The following RAPGEF5 variants were observed in gnomAD, a reference collection of about 807,000 sequenced individuals.
The protein encoded by RAPGEF5 is M-Ras-regulated GEF.
In RAPGEF5, 65 loss-of-function variants were observed where a neutral mutation model predicts 125.2. The observed-to-expected ratio is 0.52, with a 90% confidence interval of 0.43 to 0.64. RAPGEF5 has a LOEUF of 0.64. Among genes scored for constraint, RAPGEF5 ranks in the 30% least tolerant of loss-of-function variants. The pLI, the probability that RAPGEF5 is intolerant of heterozygous loss-of-function variation, is 0.00. For missense variants in RAPGEF5, 958 were observed against 1,048.1 expected (o/e 0.91, Z 1.19); for synonymous variants, 391 against 385.9 (o/e 1.01, Z -0.16).
At chr7:22,166,591 G>A (rs538954152) in intron 12 of RAPGEF5, among the ~76,000 whole-genome samples, 1 of 152,214 alleles carries the variant, frequency 6.6e-6, no homozygotes, top group South Asian at 2.1e-4. Context: ...TTGATTCCAG[G>A]GGTTAGGTTC....
chr7:22,242,943 G>A (rs1490796759), intron 7 of RAPGEF5, among the ~76,000 whole-genome samples: 8 of 116,774 alleles, frequency 6.9e-5, no homozygotes, highest in Admixed American at 5.6e-4. Context: ...GTGAAACTCC[G>A]TCTCAAAAAA....
chr7:22,155,909 A>C (rs1309173708), intron 16 of RAPGEF5, among the ~76,000 whole-genome samples: 1 of 152,212 alleles, frequency 6.6e-6, no homozygotes, highest in Non-Finnish European at 1.5e-5. Context: ...GGAAAACTAC[A>C]CGATGAAACT....
chr7:22,122,453 G>T lies in RAPGEF5; in HGVS notation c.2605C>A (p.Gln869Lys). 1.2e-6 allele frequency: 2 copies of T among 1,613,894 alleles called. No homozygotes were observed. Among genetic ancestry groups the T allele is most frequent in the Non-Finnish European group, 1.7e-6 (2 of 1,179,844 alleles). Reference sequence around the variant, plus strand: ...TGTGAGAGCTCAAACAGAGCCTGCTGGCTGTCAATGACATACAGGTGATTA... The same window carrying T: ...TGTGAGAGCTCAAACAGAGCCTGCTTGCTGTCAATGACATACAGGTGATTA... ...YVNHLYVIDS[Q>K]QALFELSHRI... Residue 869 changes from glutamine (Q) to lysine (K), a missense_variant, in exon 26 of 26, where the codon CAG (glutamine) becomes AAG (lysine). By Grantham distance (53) the Gln-to-Lys change is moderately conservative (BLOSUM62 1). Transcript: ENST00000665637.
intron 24 of RAPGEF5, 161 bp downstream of exon 24, chr7:22,130,876 A>C: frequency 1.0e-6 from 1 of 982,224 alleles, no homozygotes; most frequent in Non-Finnish European, 1.5e-6. Context: ...GCAGCGTACA[A>C]CATGCAGCAA....
intron 7 of RAPGEF5, among the ~76,000 whole-genome samples, chr7:22,236,839 C>G (rs1298591652): frequency 2.0e-5 from 3 of 152,174 alleles, no homozygotes; most frequent in African/African-American, 7.2e-5. Context: ...TAGCCCCATC[C>G]CCAGTGTCTC....
At chr7:22,340,969 C>G (rs139448388) in intron 1 of RAPGEF5, among the ~76,000 whole-genome samples, 24 of 152,326 alleles carry the variant, frequency 1.6e-4, no homozygotes, top group Middle Eastern at 6.8e-3. Flanking sequence ...CTGAGTAACA[C>G]GAGGTGACTT....
At chr7:22,200,766 C>G (rs1785258590) in intron 9 of RAPGEF5, among the ~76,000 whole-genome samples, 1 of 152,154 alleles carries the variant, frequency 6.6e-6, no homozygotes, top group Non-Finnish European at 1.5e-5. Context: ...TCATACAAAA[C>G]AACTTGTCTA....
intron 1 of RAPGEF5, among the ~76,000 whole-genome samples, chr7:22,333,853 C>G (rs1461404139): frequency 6.8e-6 from 1 of 147,354 alleles, no homozygotes; most frequent in Non-Finnish European, 1.5e-5. Flanking sequence ...AGAGAGAGAA[C>G]CAGAGCTGTC....
chr7:22,261,326 TG>T (rs2128140480), intron 7 of RAPGEF5, among the ~76,000 whole-genome samples: 1 of 152,196 alleles, frequency 6.6e-6, no homozygotes, highest in South Asian at 2.1e-4. Flanking sequence ...ACTATATTAC[TG>T]ATATAAAATT....
chr7:22,285,522 GAAC>G (rs1253329077), intron 6 of RAPGEF5, among the ~76,000 whole-genome samples: 1 of 152,160 alleles, frequency 6.6e-6, no homozygotes, highest in Non-Finnish European at 1.5e-5. Context: ...TTCAGCTACT[GAAC>G]AACAAATTCC....
Position 22,316,489 on chromosome 7 carries a change from A to ATTTT in RAPGEF5, c.283-1017_283-1014dup, listed in dbSNP as rs1174593478. The stretch of plus-strand genomic sequence containing the variant: ...TATATATATATATATATATATATAT[A>ATTTT]TTTTTTTTTTTTTTTTTTTGAGGCA... On this transcript the variant is annotated intron_variant, in intron 2 of 25. Transcript: ENST00000665637. 3.2e-3 allele frequency among the ~76,000 whole-genome samples: 164 copies of ATTTT among 50,590 alleles called. 2 individuals are homozygous for ATTTT. Among genetic ancestry groups the ATTTT allele is most frequent in the Non-Finnish European group, 3.4e-3 (99 of 28,892 alleles). The allele number at this position is 50,590 out of a possible 152,430, so 33.2% of individuals were successfully genotyped here.
intron 1 of RAPGEF5, among the ~76,000 whole-genome samples, chr7:22,344,988 A>C (rs1784195760): frequency 6.6e-6 from 1 of 152,222 alleles, no homozygotes; most frequent in Non-Finnish European, 1.5e-5. Context: ...TGGTCTGTGG[A>C]TGCAGCAACA....
chr7:22,301,262 T>A (rs1583561524), intron 5 of RAPGEF5, among the ~76,000 whole-genome samples: 3 of 152,302 alleles, frequency 2.0e-5, no homozygotes, highest in African/African-American at 7.2e-5. Flanking sequence ...TTCGTTATTA[T>A]CTTGCCATAG....
In RAPGEF5 at chr7:22,236,298, C is replaced by T. The variant is rs1258568694; in HGVS notation, c.797-5379G>A. 2.6e-5 allele frequency among the ~76,000 whole-genome samples: 4 copies of T among 152,104 alleles called. No homozygotes were observed. The East Asian group carries it at 7.7e-4, about 29-fold the overall frequency. On this transcript the variant is annotated intron_variant, in intron 7 of 25. Transcript: ENST00000665637. ...ATACAGTTTATTCTCAAATCTGTCT[C>T]CATTTCTGCCCACTTCTCTGAGTTC...
In RAPGEF5 at chr7:22,256,356, G is replaced by A. The variant is rs916440837; in HGVS notation, c.796+10608C>T. 4.6e-5 allele frequency among the ~76,000 whole-genome samples: 7 copies of A among 152,270 alleles called. No homozygotes were observed. In the East Asian group the frequency reaches 1.2e-3, roughly 25 times the overall value. On this transcript the variant is annotated intron_variant, in intron 7 of 25. Coordinates refer to ENST00000665637, the MANE Select transcript of RAPGEF5 (RefSeq NM_012294.5). ...CTGAATAAAATAGTCCCAAGGTTGTGACTGAGGTGAATGAATGTAAAAAGT... is the reference window on the plus strand; with the variant it reads ...CTGAATAAAATAGTCCCAAGGTTGTAACTGAGGTGAATGAATGTAAAAAGT...
At chr7:22,213,402 C>T (rs187130808) in intron 9 of RAPGEF5, among the ~76,000 whole-genome samples, 3 of 152,214 alleles carry the variant, frequency 2.0e-5, no homozygotes, top group African/African-American at 7.2e-5. Context: ...CCAGATTTTA[C>T]TTCCCTCTAA....
chr7:22,169,633 T>C (rs192236981), intron 11 of RAPGEF5, among the ~76,000 whole-genome samples: 11 of 150,616 alleles, frequency 7.3e-5, no homozygotes, highest in South Asian at 4.2e-4. Flanking sequence ...GGTGAGTAGA[T>C]TGCTTGAGGC....
chr7:22,160,510 ATACT>A lies in RAPGEF5; in HGVS notation c.1526+4_1526+7del, dbSNP rs1783952412. 2.6e-6 allele frequency: 4 copies of A among 1,537,566 alleles called. No homozygotes were observed. The highest frequency in any genetic ancestry group is 2.5e-5 in the East Asian group (1 of 40,766). Reference sequence around the variant, plus strand: ...CATTAACTATAATTAGGAAAATGAAATACTTACTGACGACGGTGCATTCCAAGTA... The same window carrying A: ...CATTAACTATAATTAGGAAAATGAAATACTGACGACGGTGCATTCCAAGTA... On this transcript the variant is annotated splice_donor_5th_base_variant and intron_variant, in intron 14 of 25. Coordinates refer to ENST00000665637, the MANE Select transcript of RAPGEF5 (RefSeq NM_012294.5).
At chr7:22,323,516 A>G (rs1377145753) in intron 1 of RAPGEF5, among the ~76,000 whole-genome samples, 2 of 152,370 alleles carry the variant, frequency 1.3e-5, no homozygotes, top group East Asian at 1.9e-4. Flanking sequence ...GCCTACCAAT[A>G]TGGGCCTCCC....
Sources: gnomAD v4.1 joint callset for allele counts (sites outside exome capture counted in the v4.1 genomes callset) on GRCh38, gnomAD v4.1.1 for gene constraint, MANE v1.5 for transcripts, NCBI Gene and HGNC (gene_info 2026-07-23, HGNC 2026-07-21) for gene names.